The following NOTCH1 variants were observed in gnomAD, a reference collection of about 807,000 sequenced individuals.
NOTCH1 encodes the protein notch receptor 1, also known as neurogenic locus notch homolog protein 1.
Under a neutral mutation model 254.8 loss-of-function variants are expected in NOTCH1, and 37 were observed. The observed-to-expected ratio is 0.15, with a 90% CI of 0.11 to 0.19. The LOEUF (loss-of-function observed/expected upper bound fraction) is 0.19. NOTCH1 is among the 10% of genes least tolerant of loss of function. NOTCH1 has a pLI of 1.00. For synonymous variants in NOTCH1, 1,731 were observed against 1,618.1 expected (o/e 1.07, Z -1.68); for missense variants, 2,972 against 3,708.6 (o/e 0.80, Z 5.16).
intron 3 of NOTCH1, 138 bp from the exon 4 acceptor site, chr9:136,523,326 G>A (rs562527096): frequency 2.7e-5 from 25 of 918,642 alleles, no homozygotes; most frequent in Middle Eastern, 3.2e-4. Context: ...AGGACCTGCC[G>A]TGAGACCGGT....
chr9:136,519,334 G>C, intron 5 of NOTCH1, 109 bp downstream of exon 5: 1 of 1,497,230 alleles, frequency 6.7e-7, no homozygotes, highest in Non-Finnish European at 9.2e-7. Context: ...AGTCTGCCTG[G>C]CCTGGGACAG....
At chr9:136,528,668 G>A (rs575024438) in intron 2 of NOTCH1, among the ~76,000 whole-genome samples, 3 of 151,774 alleles carry the variant, frequency 2.0e-5, no homozygotes, top group Non-Finnish European at 4.4e-5. Context: ...GGGAGGAGCT[G>A]CCCGGCTGAA....
At chr9:136,497,677 G>C (rs1842939878) in intron 33 of NOTCH1, 119 bp from the exon 34 acceptor site, 1 of 817,928 alleles carries the variant, frequency 1.2e-6, no homozygotes, top group Non-Finnish European at 1.9e-6. Context: ...GGGGCAGGCA[G>C]GCTGCTCCTC....
At chr9:136,499,586 C>T (rs770120498) in intron 31 of NOTCH1, among the ~76,000 whole-genome samples, 3 of 152,238 alleles carry the variant, frequency 2.0e-5, no homozygotes, top group Admixed American at 6.5e-5. Flanking sequence ...CTGCCCCCAA[C>T]GGCGGTTACA....
Position 136,545,629 on chromosome 9 carries a change from C to T in NOTCH1, c.61+97G>A. ...TTTTCCCTCTCCATGCTGGCCTCCC[C>T]GCCGCCCGCTCCCAGCCGTGGGGCG... On this transcript the variant is annotated intron_variant, in intron 1 of 33. Transcript: ENST00000651671. This position sits in a 1 kb window ranked among gnomAD's most constrained non-coding sequence, Gnocchi z 6.8. 2 of 1,055,058 alleles carry T rather than the reference C, an allele frequency of 1.9e-6. No homozygotes were observed. The highest frequency in any genetic ancestry group is 1.3e-6 in the Non-Finnish European group (1 of 767,632). 65.4% of individuals were successfully genotyped at this position (1,055,058 alleles called of 1,614,324 possible). A position where few individuals can be genotyped will look rare whatever the true frequency, so the allele number is the denominator to read the frequency against.
intron 2 of NOTCH1, among the ~76,000 whole-genome samples, chr9:136,539,464 C>CT (rs1178023468): frequency 6.6e-6 from 1 of 152,234 alleles, no homozygotes; most frequent in Non-Finnish European, 1.5e-5. Context: ...TCTCAGCTCA[C>CT]TGCAGCCTCC....
rs370144650 is a variant in NOTCH1, at chr9:136,508,392, A to G, written c.3172-7T>C. The G allele has an allele frequency of 2.5e-6, 4 of 1,612,948 alleles. No individual in the cohort carries two copies. The South Asian group carries it at 3.3e-5, about 13-fold the overall frequency. ...CACACCAGTGCACAAGGTTCTGGGG[A>G]CAGATTGGGGTCAGCTGGGTGCCCG... is the stretch of plus-strand genomic sequence containing the variant. On this transcript the variant is annotated splice_polypyrimidine_tract_variant and splice_region_variant and intron_variant, in intron 19 of 33. Coordinates refer to ENST00000651671, the MANE Select transcript of NOTCH1 (RefSeq NM_017617.5).
At chr9:136,530,925 C>T (rs1044070697) in intron 2 of NOTCH1, among the ~76,000 whole-genome samples, 1 of 152,230 alleles carries the variant, frequency 6.6e-6, no homozygotes, top group Non-Finnish European at 1.5e-5. Flanking sequence ...GGCTGCGCTC[C>T]GGGCCAGCGC....
At chr9:136,499,645 C>T (rs930525875) in intron 31 of NOTCH1, among the ~76,000 whole-genome samples, 3 of 151,594 alleles carry the variant, frequency 2.0e-5, no homozygotes, top group East Asian at 2.0e-4. Flanking sequence ...GTCTCAGAAC[C>T]GCCGAGCTAG....
rs878855025 is a variant in NOTCH1, at chr9:136,508,932, G to C, written c.3109C>G (p.Gln1037Glu). Residue 1037 changes from glutamine (Q) to glutamate (E), a missense_variant, in exon 19 of 34, where the codon CAG (glutamine) becomes GAG (glutamate). Transcript: ENST00000651671. ...SQPCLHGGTC[Q>E]DGCGSYRCTC... Reference sequence around the variant, plus strand: ...CACCTGTAGGAGCCGCAGCCGTCCTGACAGGTGCCGCCATGCAGGCAGGGC... The same window carrying C: ...CACCTGTAGGAGCCGCAGCCGTCCTCACAGGTGCCGCCATGCAGGCAGGGC... 2 of 1,549,806 alleles carry C rather than the reference G, an allele frequency of 1.3e-6. No individual in the cohort carries two copies. Among genetic ancestry groups the C allele is most frequent in the Non-Finnish European group, 1.7e-6 (2 of 1,147,398 alleles).
intron 12 of NOTCH1, 43 bp from the exon 13 acceptor site, chr9:136,514,745 G>A (rs779546279): frequency 2.5e-6 from 4 of 1,589,772 alleles, no homozygotes; most frequent in Non-Finnish European, 3.4e-6. Context: ...AGCGCCCAGG[G>A]GGTCCCACCC....
chr9:136,517,254 G>C lies in NOTCH1; in HGVS notation c.1555+18C>G, dbSNP rs376982757. ...GGGTGCAGACGACCCGGGGGCAGGG[G>C]GCGGGGGTGGCCCTCACCCGTGGGG... On this transcript the variant is annotated intron_variant, in intron 9 of 33. Transcript: ENST00000651671. 4 of 1,522,498 alleles carry C rather than the reference G, an allele frequency of 2.6e-6. No homozygotes were observed. In the African/African-American group the frequency reaches 5.5e-5, roughly 21 times the overall value. 94.3% of individuals were successfully genotyped at this position (1,522,498 alleles called of 1,614,324 possible).
chr9:136,524,603 A>G (rs897984629), intron 2 of NOTCH1, among the ~76,000 whole-genome samples: 1 of 150,734 alleles, frequency 6.6e-6, no homozygotes. Flanking sequence ...AGTGTGGATC[A>G]GCCCCTTCCT....
intron 2 of NOTCH1, among the ~76,000 whole-genome samples, chr9:136,529,699 G>A (rs2133387329): frequency 6.6e-6 from 1 of 152,380 alleles, no homozygotes; most frequent in South Asian, 2.1e-4. Flanking sequence ...TGGAGCCTCT[G>A]CGGTGGCTAG....
At chr9:136,501,587 C>A (rs1307911437) in intron 30 of NOTCH1, among the ~76,000 whole-genome samples, 161 bp downstream of exon 30, 1 of 152,016 alleles carries the variant, frequency 6.6e-6, no homozygotes, top group African/African-American at 2.4e-5. Flanking sequence ...GACTCCAGGA[C>A]CCCCCCACGT....
At chr9:136,543,842 G>C (rs1843769458) in intron 2 of NOTCH1, 182 bp downstream of exon 2, 1 of 697,056 alleles carries the variant, frequency 1.4e-6, no homozygotes, top group South Asian at 1.6e-5. Context: ...TCCACACGCA[G>C]CATAATTGCT....
At chr9:136,512,410 CTCT>C (rs1393154345) in intron 15 of NOTCH1, among the ~76,000 whole-genome samples, 2 of 152,186 alleles carry the variant, frequency 1.3e-5, no homozygotes, top group African/African-American at 4.8e-5. Flanking sequence ...TGCTTGTGGA[CTCT>C]TCTTTGTCTT....
At chr9:136,514,446 T>C in intron 13 of NOTCH1, 64 bp downstream of exon 13, 2 of 1,495,086 alleles carry the variant, frequency 1.3e-6, no homozygotes, top group Non-Finnish European at 1.8e-6. Flanking sequence ...GGTGCCACCC[T>C]CCTGGCAGCA....
intron 15 of NOTCH1, among the ~76,000 whole-genome samples, chr9:136,512,449 T>C (rs1589063884): frequency 6.6e-6 from 1 of 152,166 alleles, no homozygotes; most frequent in Non-Finnish European, 1.5e-5. Flanking sequence ...TTTCCTGTGA[T>C]CCCCTTGGCT....
Sources: allele counts gnomAD v4.1 joint callset (sites outside exome capture counted in the v4.1 genomes callset), GRCh38; gene constraint gnomAD v4.1.1; non-coding constraint Gnocchi (gnomAD v3.1); transcripts MANE v1.5; gene names NCBI Gene and HGNC (gene_info 2026-07-23, HGNC 2026-07-21).